SFTPC: variants seen among roughly 807,000 people sequenced by gnomAD.
SFTPC encodes the protein surfactant protein C, also known as BRICHOS domain containing 6.
In SFTPC, 12 loss-of-function variants were observed where a neutral mutation model predicts 19.9. The ratio of observed to expected loss-of-function variants is 0.60; its 90% CI spans 0.39 to 0.98. The LOEUF is 0.98. Among genes scored for constraint, SFTPC ranks in the 50% least tolerant of loss-of-function variants. SFTPC has a pLI of 0.00. For missense variants in SFTPC, 219 were observed against 252.2 expected, an observed-to-expected ratio of 0.87 and a Z score of 0.89; for synonymous variants, 123 against 103.3, an observed-to-expected ratio of 1.19 and a Z score of -1.16.
Position 22,163,440 on chromosome 8 carries a change from T to G in SFTPC, c.329T>G (p.Leu110Arg), listed in dbSNP as rs1003901489. ...GLVVYDYQQL[L>R]IAYKPAPGTC... Reference sequence around the variant, plus strand: ...TCTCCAGCATTCTGTGCCTAGCTGCTGATCGCCTACAAGCCAGCCCCTGGC... The same window carrying G: ...TCTCCAGCATTCTGTGCCTAGCTGCGGATCGCCTACAAGCCAGCCCCTGGC... The change falls in exon 4 of 6, where the codon CTG becomes CGG. Residue 110 changes from leucine to arginine, a missense_variant. Coordinates refer to ENST00000679463, the MANE Select transcript of SFTPC (RefSeq NM_001317778.2). 5 of 1,613,422 alleles carry G rather than the reference T, an allele frequency of 3.1e-6. No individual in the cohort carries two copies. Among genetic ancestry groups the G allele is most frequent in the Non-Finnish European group, 4.2e-6 (5 of 1,179,596 alleles).
Position 22,163,127 on chromosome 8 carries a change from C to T in SFTPC, c.249C>T (p.Ala83=), listed in dbSNP as rs751292601. The T allele has an allele frequency of 2.0e-5, 33 of 1,614,030 alleles. 1 individual carries two copies. The highest frequency in any genetic ancestry group is 2.6e-5 in the Non-Finnish European group (31 of 1,180,036). ...CGCCGGAAGCCCAGCAACGCCTGGC[C>T]CTGAGTGAGCACCTGGTTACCACTG... ...IGAPEAQQRL[A]LSEHLVTTAT... is the part of the protein sequence containing the mutation. Residue 83 remains alanine, a synonymous_variant, in exon 3 of 6, where the codon GCC becomes GCT. Transcript: ENST00000679463.
chr8:22,160,915 G>A (rs780180846), upstream of SFTPC, among the ~76,000 whole-genome samples: 1 of 152,232 alleles, frequency 6.6e-6, no homozygotes, highest in Non-Finnish European at 1.5e-5. Flanking sequence ...TTTAGGATCA[G>A]AGGATGCAGA....
chr8:22,163,337 T>A (rs1358863712), intron 3 of SFTPC, 99 bp from the exon 4 acceptor site: 35 of 1,505,392 alleles, frequency 2.3e-5, no homozygotes, highest in Non-Finnish European at 3.2e-5. Flanking sequence ...GATTCTAGTA[T>A]GACTCCCGTG....
At chr8:22,159,503 G>T, upstream of SFTPC, 1 of 348,764 alleles carries the variant, frequency 2.9e-6, no homozygotes, top group East Asian at 8.1e-5. Flanking sequence ...TGGTTGGTGT[G>T]AGCACTCCAG....
upstream of SFTPC, chr8:22,159,910 G>T (rs188420910): frequency 1.2e-3 from 1,169 of 1,014,624 alleles, 6 homozygotes; most frequent in African/African-American, 0.015. Context: ...GGGAGTAAGG[G>T]CCCTGGGGGA....
At chr8:22,162,539 T>C (rs764616546) in intron 1 of SFTPC, 35 bp from the exon 2 acceptor site, 1 of 1,611,574 alleles carries the variant, frequency 6.2e-7, no homozygotes, top group African/African-American at 1.3e-5. Flanking sequence ...CCTCATGACC[T>C]CATGCCTGTC....
In SFTPC at chr8:22,162,746, G is replaced by A. The variant is rs8192327; in HGVS notation, c.201+14G>A. 0.059 allele frequency: 94,601 copies of A among 1,613,860 alleles called. 3,642 individuals carry two copies. The highest frequency in any genetic ancestry group is 0.063 in the Non-Finnish European group (74,068 of 1,179,852). On this transcript the variant is annotated intron_variant, in intron 2 of 5. Coordinates refer to ENST00000679463, the MANE Select transcript of SFTPC (RefSeq NM_001317778.2). ...CACACGGAGATGGTGAGAGGTGTGGGATGCACAGCAGTGGGCACAGGACAT... is the reference window on the plus strand; with the variant it reads ...CACACGGAGATGGTGAGAGGTGTGGAATGCACAGCAGTGGGCACAGGACAT...
rs375538518 is a variant in SFTPC at position 22,164,077 on chromosome 8, C to T, written c.*18+18C>T. On this transcript the variant is annotated intron_variant, in intron 5 of 5. Transcript: ENST00000679463. ...GTGAGCAGGTGTGATCCCAGGGCCC[C>T]TGATCAGCAGCGGAGGAGCGCTCGG... 8.6e-5 allele frequency: 139 copies of T among 1,611,512 alleles called. No homozygotes were observed. The African/African-American group carries it at 1.7e-3, about 20-fold the overall frequency.
chr8:22,162,533 A>T (rs1827784026), intron 1 of SFTPC, 41 bp from the exon 2 acceptor site: 2 of 1,610,120 alleles, frequency 1.2e-6, no homozygotes, highest in Non-Finnish European at 1.7e-6. Flanking sequence ...GGACAGCCTC[A>T]TGACCTCATG....
Position 22,163,983 on chromosome 8 carries a change from C to A in SFTPC, c.518C>A (p.Ala173Asp), listed in dbSNP as rs531634308. The A allele has an allele frequency of 6.2e-7, 1 of 1,612,646 alleles. No individual in the cohort carries two copies. The highest frequency in any genetic ancestry group is 1.7e-5 in the Admixed American group (1 of 60,014). ...TCAGCACCCTCCGGAGGGGACCCGG[C>A]CTTCCTGGGCATGGCCGTGAGCACC... ...AGSAPSGGDP[A>D]FLGMAVSTLC... is the part of the protein sequence containing the mutation. Residue 173 changes from alanine (A) to aspartate (D), a missense_variant, in exon 5 of 6, where the codon GCC becomes GAC. By Grantham distance (126) the Ala-to-Asp change is moderately radical (BLOSUM62 -2). Coordinates refer to ENST00000679463, the MANE Select transcript of SFTPC (RefSeq NM_001317778.2).
intron 4 of SFTPC, 63 bp downstream of exon 4, chr8:22,163,609 C>A: frequency 1.7e-6 from 2 of 1,149,436 alleles, no homozygotes; most frequent in Non-Finnish European, 2.6e-6. Context: ...GAGGAGTGTC[C>A]GAATGGTGGC....
At position 22,161,852 on chromosome 8, in the gene SFTPC, C is replaced by T. The variant is rs144603526; in HGVS notation, c.24C>T (p.Val8=). The change falls in exon 1 of 6, where the codon GTC becomes GTT. Residue 8 remains valine, a synonymous_variant. Transcript: ENST00000679463. The part of the protein sequence containing the change: MDVGSKE[V]LMESPPDYSA... ...AGATGGATGTGGGCAGCAAAGAGGT[C>T]CTGATGGAGAGCCCGCCGGTGAGTG... 2 of 1,614,032 alleles carry T rather than the reference C, an allele frequency of 1.2e-6. No homozygotes were observed. Among genetic ancestry groups the T allele is most frequent in the Non-Finnish European group, 1.7e-6 (2 of 1,180,004 alleles).
rs745700017 is a variant in SFTPC, at chr8:22,162,597, C to A, written c.66C>A (p.Gly22=). ...AGGACTACTCCGCAGCTCCCCGGGG[C>A]CGATTTGGCATTCCCTGCTGCCCAG... ...SPPDYSAAPR[G]RFGIPCCPVH... Residue 22 remains glycine, a synonymous_variant, in exon 2 of 6, where the codon GGC becomes GGA. Coordinates refer to ENST00000679463, the MANE Select transcript of SFTPC (RefSeq NM_001317778.2). 3 of 1,614,032 alleles carry A rather than the reference C, an allele frequency of 1.9e-6. No homozygotes were observed. The highest frequency in any genetic ancestry group is 1.7e-5 in the Admixed American group (1 of 60,020).
upstream of SFTPC, among the ~76,000 whole-genome samples, chr8:22,160,868 C>T (rs552943217): frequency 2.6e-5 from 4 of 152,316 alleles, no homozygotes; most frequent in Admixed American, 6.5e-5. Context: ...GTCCTCAAAG[C>T]TGATCGTATT....
At chr8:22,159,934 C>A, upstream of SFTPC, 3 of 879,122 alleles carry the variant, frequency 3.4e-6, no homozygotes, top group Non-Finnish European at 3.2e-6. Flanking sequence ...CAGGGGTGGG[C>A]ACTGCAGGCG....
chr8:22,159,759 A>G, upstream of SFTPC: 3 of 1,289,252 alleles, frequency 2.3e-6, no homozygotes, highest in Non-Finnish European at 3.0e-6. Flanking sequence ...ACGTGAGAAC[A>G]ACATGGCCCC....
intron 4 of SFTPC, 177 bp downstream of exon 4, chr8:22,163,723 C>A: frequency 1.2e-6 from 1 of 804,198 alleles, no homozygotes; most frequent in Non-Finnish European, 2.1e-6. Flanking sequence ...TGCCAAGCTG[C>A]TGGGCTCAGC....
At chr8:22,163,578 T>C in intron 4 of SFTPC, 32 bp downstream of exon 4, 1 of 1,473,428 alleles carries the variant, frequency 6.8e-7, no homozygotes. Context: ...GAGTGGGCTG[T>C]CTCCCTCCCA....
At chr8:22,160,184 C>G (rs1298479703), upstream of SFTPC, among the ~76,000 whole-genome samples, 1 of 152,226 alleles carries the variant, frequency 6.6e-6, no homozygotes, top group Non-Finnish European at 1.5e-5. Context: ...AGTTCAGATG[C>G]CATGCTGTTA....
Sources: gnomAD v4.1 joint callset for allele counts (sites outside exome capture counted in the v4.1 genomes callset) on GRCh38, gnomAD v4.1.1 for gene constraint, MANE v1.5 for transcripts, NCBI Gene and HGNC (gene_info 2026-07-23, HGNC 2026-07-21) for gene names.